The following HS6ST2 variants were observed in gnomAD, a reference collection of about 807,000 sequenced individuals.
HS6ST2 encodes heparan sulfate 6-O-sulfotransferase 2, also known as heparan-sulfate 6-O-sulfotransferase 2.
In HS6ST2, 17 loss-of-function variants were observed where a neutral mutation model predicts 33.0. The ratio of observed to expected loss-of-function variants is 0.52; its 90% confidence interval spans 0.35 to 0.77. HS6ST2 has a LOEUF of 0.77. Ranked by LOEUF, HS6ST2 falls within the 30% of genes least tolerant of loss-of-function variation. HS6ST2 has a pLI of 0.01. For missense variants in HS6ST2, 519 were observed against 551.7 expected, an observed-to-expected ratio of 0.94 and a Z score of 0.59; for synonymous variants, 248 against 237.1, an observed-to-expected ratio of 1.05 and a Z score of -0.42.
At chrX:132,782,133 T>G (rs1407078254) in intron 2 of HS6ST2, among the ~76,000 whole-genome samples, 1 of 112,006 alleles carries the variant, frequency 8.9e-6, no homozygotes, top group Non-Finnish European at 1.9e-5. Context: ...ACTTAAGGGA[T>G]TCTCAGGACA....
At chrX:132,911,740 C>T (rs754827339) in intron 2 of HS6ST2, among the ~76,000 whole-genome samples, 1 of 108,534 alleles carries the variant, frequency 9.2e-6, no homozygotes, top group Admixed American at 9.9e-5. Context: ...CAGGTTCACG[C>T]CATTCTCCTG....
intron 4 of HS6ST2, among the ~76,000 whole-genome samples, chrX:132,650,639 G>A (rs999934566): frequency 9.2e-6 from 1 of 109,130 alleles, no homozygotes; most frequent in Non-Finnish European, 1.9e-5. Flanking sequence ...CTTAAAACTC[G>A]GTCTTGGTGC....
At chrX:132,897,446 T>C (rs1305022142) in intron 2 of HS6ST2, among the ~76,000 whole-genome samples, 1 of 111,358 alleles carries the variant, frequency 9.0e-6, no homozygotes, top group Non-Finnish European at 1.9e-5. Flanking sequence ...TGTATAGCCT[T>C]TAAGTACATA....
chrX:132,869,431 C>T (rs1157756272), intron 2 of HS6ST2, among the ~76,000 whole-genome samples: 3 of 111,928 alleles, frequency 2.7e-5, no homozygotes, highest in African/African-American at 6.5e-5. Flanking sequence ...CCAGCATCAA[C>T]CTGATACCAA....
At chrX:132,848,226 G>C (rs1235048269) in intron 2 of HS6ST2, among the ~76,000 whole-genome samples, 1 of 111,830 alleles carries the variant, frequency 8.9e-6, no homozygotes, top group Non-Finnish European at 1.9e-5. Flanking sequence ...TGTTCTCACT[G>C]TTCCTTTGAA....
At chrX:132,825,918 C>A (rs1408272938) in intron 2 of HS6ST2, among the ~76,000 whole-genome samples, 2 of 112,163 alleles carry the variant, frequency 1.8e-5, no homozygotes, top group Admixed American at 9.5e-5. Context: ...GTCTCCCCCA[C>A]ATGAACTGCT....
chrX:132,954,976 T>C (rs1259297463), intron 2 of HS6ST2, among the ~76,000 whole-genome samples: 2 of 111,831 alleles, frequency 1.8e-5, no homozygotes, highest in African/African-American at 6.5e-5. Flanking sequence ...TACTCTGACC[T>C]ACATGTTCAA....
At chrX:132,885,280 G>A (rs1266830543) in intron 2 of HS6ST2, among the ~76,000 whole-genome samples, 2 of 111,898 alleles carry the variant, frequency 1.8e-5, no homozygotes, top group Admixed American at 9.5e-5. Context: ...GTTTATTTCT[G>A]GGTGATGAAA....
At chrX:132,895,541 A>C (rs1336756498) in intron 2 of HS6ST2, among the ~76,000 whole-genome samples, 2 of 111,394 alleles carry the variant, frequency 1.8e-5, no homozygotes, top group African/African-American at 3.3e-5. Flanking sequence ...TGTATATATA[A>C]AATGTATATA....
At chrX:132,644,011 T>C (rs1166840747) in intron 4 of HS6ST2, among the ~76,000 whole-genome samples, 7 of 111,949 alleles carry the variant, frequency 6.3e-5, no homozygotes, top group Non-Finnish European at 1.9e-5. Flanking sequence ...TTCTCAGAAA[T>C]AGTGACTCAC....
intron 2 of HS6ST2, among the ~76,000 whole-genome samples, chrX:132,804,539 C>T (rs1389836928): frequency 8.9e-6 from 1 of 112,463 alleles, no homozygotes; most frequent in Non-Finnish European, 1.9e-5. Flanking sequence ...GTGGTTCACA[C>T]CTGTAATCCC....
chrX:132,733,658 G>C (rs1040746456), intron 2 of HS6ST2, among the ~76,000 whole-genome samples: 3 of 111,232 alleles, frequency 2.7e-5, no homozygotes, highest in African/African-American at 9.8e-5. Context: ...ACAGCAAAAA[G>C]CTTTAGAGTC....
intron 3 of HS6ST2, among the ~76,000 whole-genome samples, chrX:132,686,999 G>A (rs1463596959): frequency 8.9e-6 from 1 of 112,053 alleles, no homozygotes; most frequent in African/African-American, 3.2e-5. Flanking sequence ...CATCTTCCTT[G>A]ACCCTTCAAG....
In HS6ST2 at chrX:132,890,067, T is replaced by C. The variant is rs188017623; in HGVS notation, c.947+66741A>G. Among the ~76,000 whole-genome samples the C allele has an allele frequency of 2.6e-4, 29 of 111,875 alleles. No homozygotes were observed. The East Asian group carries it at 8.0e-3, about 31-fold the overall frequency. ...CAATGCTCCTGTTAAAGAGGACATATTGTTTTTGGCCTAGAAAGTAATAAC... is the reference window on the plus strand; with the variant it reads ...CAATGCTCCTGTTAAAGAGGACATACTGTTTTTGGCCTAGAAAGTAATAAC... On this transcript the variant is annotated intron_variant, in intron 2 of 4. Transcript: ENST00000370833.
At chrX:132,925,081 A>C (rs2066697067) in intron 2 of HS6ST2, among the ~76,000 whole-genome samples, 1 of 111,473 alleles carries the variant, frequency 9.0e-6, no homozygotes, top group African/African-American at 3.3e-5. Flanking sequence ...ACCCTGTCTC[A>C]AAACAAAAGA....
chrX:132,759,498 T>C (rs2064785875), intron 2 of HS6ST2, among the ~76,000 whole-genome samples: 1 of 111,009 alleles, frequency 9.0e-6, no homozygotes, highest in African/African-American at 3.3e-5. Context: ...TAAAAAAAGA[T>C]TTGGTAGGTG....
chrX:132,920,248 G>A (rs2066638757), intron 2 of HS6ST2, among the ~76,000 whole-genome samples: 1 of 110,913 alleles, frequency 9.0e-6, no homozygotes, highest in African/African-American at 3.3e-5. Context: ...GTCTCAGAAA[G>A]CACAGCAGGC....
intron 2 of HS6ST2, among the ~76,000 whole-genome samples, chrX:132,852,109 C>T (rs1010698924): frequency 1.8e-5 from 2 of 111,455 alleles, no homozygotes; most frequent in Admixed American, 9.6e-5. Context: ...CACTGCCCTC[C>T]AGCCTGGGCA....
At chrX:132,930,088 T>C (rs1015416642) in intron 2 of HS6ST2, among the ~76,000 whole-genome samples, 1 of 111,810 alleles carries the variant, frequency 8.9e-6, no homozygotes, top group African/African-American at 3.3e-5. Flanking sequence ...AGAGACCCAA[T>C]TGTGGCAAGT....
Sources: gnomAD v4.1 joint callset for allele counts (sites outside exome capture counted in the v4.1 genomes callset) on GRCh38, gnomAD v4.1.1 for gene constraint, MANE v1.5 for transcripts, NCBI Gene and HGNC (gene_info 2026-07-23, HGNC 2026-07-21) for gene names.